The following SLC24A1 variants were observed in gnomAD, a reference collection of about 807,000 sequenced individuals.
SLC24A1 encodes the protein sodium/potassium/calcium exchanger 1.
A neutral mutation model predicts 88.1 loss-of-function variants in SLC24A1; 52 were observed. The observed-to-expected ratio is 0.59, with a 90% CI of 0.47 to 0.74. SLC24A1 has a LOEUF of 0.74. Ranked by LOEUF, SLC24A1 falls within the 30% of genes least tolerant of loss-of-function variation. The pLI, the probability that SLC24A1 is intolerant of heterozygous loss-of-function variation, is 0.00. For synonymous variants in SLC24A1, 455 were observed against 498.0 expected, an observed-to-expected ratio of 0.91 and a Z score of 1.15; for missense variants, 1,173 against 1,363.3, an observed-to-expected ratio of 0.86 and a Z score of 2.20.
chr15:65,626,099 T>G, intron 2 of SLC24A1, 129 bp downstream of exon 2: 1 of 733,216 alleles, frequency 1.4e-6, no homozygotes, highest in South Asian at 1.5e-5. Flanking sequence ...TACTATTTAT[T>G]CAACATTTAT....
chr15:65,644,542 TCTC>T, intron 5 of SLC24A1, 29 bp downstream of exon 5: 2 of 1,482,438 alleles, frequency 1.3e-6, no homozygotes, highest in South Asian at 1.2e-5. Flanking sequence ...CAGTGGGTTT[TCTC>T]CTGCCCCCCT....
chr15:65,648,751 C>T (rs537280173), intron 6 of SLC24A1, among the ~76,000 whole-genome samples: 2 of 152,266 alleles, frequency 1.3e-5, no homozygotes, highest in Admixed American at 1.3e-4. Context: ...CCGCCCGACT[C>T]AGCCTCCCAA....
At chr15:65,632,259 TTATATG>T (rs1442369142) in intron 2 of SLC24A1, among the ~76,000 whole-genome samples, 70 of 152,200 alleles carry the variant, frequency 4.6e-4, no homozygotes, top group Non-Finnish European at 4.4e-5. Context: ...TGTGGGCTGT[TTATATG>T]TATATGTATT....
rs533074481 is a variant in SLC24A1, at chr15:65,655,500, G to T, written c.*1421G>T. On this transcript the variant is annotated 3_prime_UTR_variant, in exon 10 of 10. Transcript: ENST00000261892. ...AAATGTTTTATGTGGAATTTGATGA[G>T]TTTGTATATTAAATACCACTGCTTG... The T allele has an allele frequency of 3.1e-5, 31 of 985,310 alleles. No individual in the cohort carries two copies. The African/African-American group carries it at 4.9e-4, about 16-fold the overall frequency. 61.0% of individuals were successfully genotyped at this position (985,310 alleles called of 1,614,324 possible).
At chr15:65,632,097 T>C (rs56866339) in intron 2 of SLC24A1, among the ~76,000 whole-genome samples, 84 of 152,316 alleles carry the variant, frequency 5.5e-4, no homozygotes, top group African/African-American at 1.9e-3. Flanking sequence ...CCCAAAGTTC[T>C]GGGATTACAG....
At chr15:65,644,622 T>A (rs2075244800) in intron 5 of SLC24A1, 109 bp downstream of exon 5, 2 of 716,210 alleles carry the variant, frequency 2.8e-6, no homozygotes, top group African/African-American at 3.5e-5. Context: ...CTGAGGCACA[T>A]CTTTGGCCTC....
chr15:65,625,768 C>G lies in SLC24A1; in HGVS notation c.1688C>G (p.Ser563Cys). Reference protein sequence around the residue: ...LTWWPLFRDVSFYILDLIMLI... With the variant: ...LTWWPLFRDVCFYILDLIMLI... ...TGGTGGCCCTTATTCCGTGATGTCT[C>G]CTTCTACATCCTTGACCTGATAATG... The change falls in exon 2 of 10, where the codon TCC becomes TGC. Residue 563 changes from serine (S) to cysteine (C), a missense_variant. Transcript: ENST00000261892. 6.2e-7 allele frequency: 1 copy of G among 1,614,042 alleles called. No homozygotes were observed. The highest frequency in any genetic ancestry group is 1.1e-5 in the South Asian group (1 of 91,084).
chr15:65,659,463 T>C (rs990474605), downstream of SLC24A1: 2 of 149,814 alleles, frequency 1.3e-5, no homozygotes, highest in Non-Finnish European at 3.0e-5. Flanking sequence ...GCCTCCCGAG[T>C]AGCTGGGATT....
At chr15:65,637,827 C>T (rs2074991764) in intron 2 of SLC24A1, among the ~76,000 whole-genome samples, 1 of 151,980 alleles carries the variant, frequency 6.6e-6, no homozygotes, top group East Asian at 1.9e-4. Flanking sequence ...GGGCGAGGGG[C>T]CCTGTGATGA....
intron 2 of SLC24A1, among the ~76,000 whole-genome samples, chr15:65,616,835 C>T (rs1297735854): frequency 3.9e-5 from 6 of 152,150 alleles, no homozygotes; most frequent in Admixed American, 3.9e-4. Context: ...CCTAGGTTTT[C>T]TTCTAGGGTT....
intron 2 of SLC24A1, among the ~76,000 whole-genome samples, chr15:65,635,055 G>T (rs1457975685): frequency 6.6e-6 from 1 of 152,128 alleles, no homozygotes; most frequent in African/African-American, 2.4e-5. Context: ...AGGTATTTTG[G>T]CTTGAATAAA....
chr15:65,645,533 C>G (rs2075274358), intron 5 of SLC24A1, 79 bp from the exon 6 acceptor site: 2 of 1,059,324 alleles, frequency 1.9e-6, no homozygotes, highest in South Asian at 2.7e-5. Context: ...GCCCTGTAGC[C>G]ACTTATGCCA....
At chr15:65,639,498 T>C in intron 3 of SLC24A1, 97 bp from the exon 4 acceptor site, 1 of 732,056 alleles carries the variant, frequency 1.4e-6, no homozygotes, top group East Asian at 2.7e-5. Context: ...GCTTTCTCCC[T>C]GATCTTTATG....
At chr15:65,618,694 A>T (rs189241737), upstream of SLC24A1, among the ~76,000 whole-genome samples, 29 of 152,096 alleles carry the variant, frequency 1.9e-4, no homozygotes, top group Admixed American at 1.7e-3. Context: ...GCTTACAGGG[A>T]AAAAAAAGGT....
At chr15:65,642,722 A>G (rs1271747956) in intron 4 of SLC24A1, among the ~76,000 whole-genome samples, 1 of 152,212 alleles carries the variant, frequency 6.6e-6, no homozygotes, top group Non-Finnish European at 1.5e-5. Flanking sequence ...CACACATGTC[A>G]TAGTGGCTCT....
At chr15:65,635,393 T>A (rs938808631) in intron 2 of SLC24A1, among the ~76,000 whole-genome samples, 1 of 133,912 alleles carries the variant, frequency 7.5e-6, no homozygotes, top group Non-Finnish European at 1.5e-5. Flanking sequence ...GGCAGGAGAA[T>A]CGCTTGAACC....
At chr15:65,635,349 G>A (rs2074882404) in intron 2 of SLC24A1, among the ~76,000 whole-genome samples, 1 of 143,710 alleles carries the variant, frequency 7.0e-6, no homozygotes, top group African/African-American at 2.6e-5. Flanking sequence ...GCCTGGTGGT[G>A]CACACCTGTA....
At chr15:65,627,724 T>C (rs1014829522) in intron 2 of SLC24A1, among the ~76,000 whole-genome samples, 1 of 152,194 alleles carries the variant, frequency 6.6e-6, no homozygotes, top group East Asian at 1.9e-4. Context: ...GGCCAGCAGT[T>C]TCCAAAGTGC....
chr15:65,626,567 C>T (rs2074525628), intron 2 of SLC24A1, among the ~76,000 whole-genome samples: 1 of 152,104 alleles, frequency 6.6e-6, no homozygotes, highest in African/African-American at 2.4e-5. Flanking sequence ...TCTACTCACC[C>T]ACTGACAAGC....
Sources: gnomAD v4.1 joint callset for allele counts (sites outside exome capture counted in the v4.1 genomes callset) on GRCh38, gnomAD v4.1.1 for gene constraint, MANE v1.5 for transcripts, NCBI Gene and HGNC (gene_info 2026-07-23, HGNC 2026-07-21) for gene names.